Variants in LRRC8C observed in about 807,000 individuals in gnomAD.
The protein encoded by LRRC8C is volume-regulated anion channel subunit LRRC8C.
In LRRC8C, 20 loss-of-function variants were observed where a neutral mutation model predicts 55.3. The ratio of observed to expected loss-of-function variants is 0.36; its 90% CI spans 0.25 to 0.53. LRRC8C has a LOEUF of 0.53. Among genes scored for constraint, LRRC8C ranks in the 20% least tolerant of loss-of-function variants. The pLI is 0.92. For synonymous variants in LRRC8C, 376 were observed against 360.7 expected (o/e 1.04, Z -0.48); for missense variants, 659 against 951.4 (o/e 0.69, Z 4.04).
At chr1:89,668,211 CTT>C (rs1303989019) in intron 1 of LRRC8C, 2 of 152,530 alleles carry the variant, frequency 1.3e-5, no homozygotes, top group African/African-American at 2.4e-5. Flanking sequence ...GCACCAAGTT[CTT>C]GGAAATCACA....
At chr1:89,690,520 C>A (rs1289015014) in intron 2 of LRRC8C, among the ~76,000 whole-genome samples, 1 of 152,136 alleles carries the variant, frequency 6.6e-6, no homozygotes, top group African/African-American at 2.4e-5. Context: ...GGAATTGTTT[C>A]TCTTGTTTAC....
intron 1 of LRRC8C, among the ~76,000 whole-genome samples, chr1:89,663,607 T>C (rs1657177642): frequency 6.6e-6 from 1 of 152,032 alleles, no homozygotes; most frequent in Admixed American, 6.6e-5. Context: ...TGTGTCTTTA[T>C]AGTAGAATGA....
intron 2 of LRRC8C, among the ~76,000 whole-genome samples, chr1:89,705,773 T>G (rs1658464700): frequency 6.6e-6 from 1 of 152,036 alleles, no homozygotes; most frequent in Non-Finnish European, 1.5e-5. Context: ...AGCAAGACCC[T>G]GTCTCAAAAA....
At chr1:89,640,870 A>G (rs1656437191) in intron 1 of LRRC8C, among the ~76,000 whole-genome samples, 1 of 152,218 alleles carries the variant, frequency 6.6e-6, no homozygotes, top group Non-Finnish European at 1.5e-5. Context: ...CAAGAATTTG[A>G]AAAGAGTTTG....
chr1:89,686,832 C>A lies in LRRC8C; in HGVS notation c.138+221C>A, dbSNP rs1426813401. ...GAAAGATTTCAATGAGCCCAAAGAG[C>A]AATTGACTGTAGTCAAGTAATGTCT... On this transcript the variant is annotated intron_variant, in intron 2 of 2. Transcript: ENST00000370454. Among the ~76,000 whole-genome samples, 3 of 152,176 alleles carry A rather than the reference C, an allele frequency of 2.0e-5. No individual in the cohort carries two copies. The East Asian group carries it at 5.8e-4, about 29-fold the overall frequency.
chr1:89,685,513 G>C (rs574699345), intron 1 of LRRC8C, among the ~76,000 whole-genome samples: 2 of 152,016 alleles, frequency 1.3e-5, no homozygotes, highest in Admixed American at 6.6e-5. Context: ...ATAAAGAAAG[G>C]ATATTTCTTC....
At chr1:89,636,222 A>C (rs1397067842) in intron 1 of LRRC8C, among the ~76,000 whole-genome samples, 1 of 152,240 alleles carries the variant, frequency 6.6e-6, no homozygotes, top group Non-Finnish European at 1.5e-5. Context: ...CTTGTCACCT[A>C]GTAGGTGCTC....
chr1:89,672,311 C>T (rs948917251), intron 1 of LRRC8C, among the ~76,000 whole-genome samples: 1 of 152,160 alleles, frequency 6.6e-6, no homozygotes, highest in Non-Finnish European at 1.5e-5. Flanking sequence ...TCTACTTCAT[C>T]ATGCTTGTCA....
intron 1 of LRRC8C, among the ~76,000 whole-genome samples, chr1:89,639,663 A>G (rs1182650661): frequency 6.6e-6 from 1 of 152,254 alleles, no homozygotes; most frequent in African/African-American, 2.4e-5. Context: ...AACTGCCACA[A>G]GGGCAGAGGC....
At chr1:89,622,420 C>T in the LRRC8C span, among the ~76,000 whole-genome samples, 18 of 151,108 alleles carry the variant, frequency 1.2e-4, no homozygotes, top group Non-Finnish European at 2.1e-4. Flanking sequence ...GCAAGCTCCG[C>T]CTCCTGGGTT....
intron 2 of LRRC8C, among the ~76,000 whole-genome samples, chr1:89,700,182 T>C (rs969113179): frequency 2.0e-5 from 3 of 152,146 alleles, no homozygotes; most frequent in Admixed American, 6.5e-5. Context: ...TCTCCCTCTC[T>C]CTCCCCAAAT....
intron 1 of LRRC8C, among the ~76,000 whole-genome samples, chr1:89,650,130 C>T (rs1656721285): frequency 6.6e-6 from 1 of 152,198 alleles, no homozygotes; most frequent in South Asian, 2.1e-4. Flanking sequence ...ACAATTTTAA[C>T]TGTTCAACAA....
rs1281272346 is a variant in LRRC8C at position 89,715,074 on chromosome 1, C to A, written c.*92C>A. The A allele has an allele frequency of 1.4e-6, 1 of 740,222 alleles. No homozygotes were observed. The highest frequency in any genetic ancestry group is 2.0e-6 in the Non-Finnish European group (1 of 490,628). 45.9% of individuals were successfully genotyped at this position (740,222 alleles called of 1,614,324 possible). On this transcript the variant is annotated 3_prime_UTR_variant, in exon 3 of 3. Transcript: ENST00000370454. ...CTTAATGCCTTTCCTATTTTTTTTTCCTTTTCACACAAAATGTACACAAAG... is the reference window on the plus strand; with the variant it reads ...CTTAATGCCTTTCCTATTTTTTTTTACTTTTCACACAAAATGTACACAAAG...
At chr1:89,641,163 C>T (rs929953971) in intron 1 of LRRC8C, among the ~76,000 whole-genome samples, 7 of 152,076 alleles carry the variant, frequency 4.6e-5, no homozygotes. Context: ...TAAGATTATT[C>T]CTAAGGGGAT....
chr1:89,658,046 C>T (rs1656999517), intron 1 of LRRC8C, among the ~76,000 whole-genome samples: 1 of 152,082 alleles, frequency 6.6e-6, no homozygotes, highest in Non-Finnish European at 1.5e-5. Context: ...AAAAAGCCCC[C>T]TTGTGCCACA....
At chr1:89,683,091 A>T (rs567176439) in intron 1 of LRRC8C, among the ~76,000 whole-genome samples, 124 of 152,338 alleles carry the variant, frequency 8.1e-4, no homozygotes, top group African/African-American at 2.9e-3. Context: ...CACCACCATG[A>T]GCTTGACAGC....
At chr1:89,711,942 AAG>A (rs1335944343) in intron 2 of LRRC8C, among the ~76,000 whole-genome samples, 2 of 152,182 alleles carry the variant, frequency 1.3e-5, no homozygotes, top group African/African-American at 4.8e-5. Context: ...TGTGTAGAAA[AAG>A]AAGGGGAAAA....
At chr1:89,617,992 A>G in the LRRC8C span, among the ~76,000 whole-genome samples, 30 of 152,160 alleles carry the variant, frequency 2.0e-4, no homozygotes, top group Non-Finnish European at 4.1e-4. Context: ...ACCAATCAGG[A>G]AGCTCCCCTG....
chr1:89,630,622 C>T (rs907867180), upstream of LRRC8C, among the ~76,000 whole-genome samples: 3 of 152,226 alleles, frequency 2.0e-5, no homozygotes, highest in African/African-American at 7.2e-5. Context: ...TGGAGATGTG[C>T]TGAACTTCAA....
Sources: allele counts gnomAD v4.1 joint callset (sites outside exome capture counted in the v4.1 genomes callset), GRCh38; gene constraint gnomAD v4.1.1; transcripts MANE v1.5; gene names NCBI Gene and HGNC (gene_info 2026-07-23, HGNC 2026-07-21).